Variants in SLC16A10 observed in about 807,000 individuals in gnomAD.
SLC16A10 encodes the protein monocarboxylate transporter 10.
Under a neutral mutation model 40.0 loss-of-function variants are expected in SLC16A10, and 27 were observed. The ratio of observed to expected loss-of-function variants is 0.67; its 90% CI spans 0.50 to 0.93. SLC16A10 has a LOEUF of 0.93. Ranked by LOEUF, SLC16A10 falls within the 40% of genes least tolerant of loss-of-function variation. The probability of loss-of-function intolerance (pLI) is 0.00; values close to 1 mark genes in which losing one functional copy is unlikely to be tolerated. For missense variants in SLC16A10, 529 were observed against 658.2 expected (o/e 0.80, Z 2.15); for synonymous variants, 213 against 249.8 (o/e 0.85, Z 1.39).
chr6:111,110,372 G>A (rs1445756715), intron 1 of SLC16A10, among the ~76,000 whole-genome samples: 2 of 150,732 alleles, frequency 1.3e-5, no homozygotes, highest in African/African-American at 2.4e-5. Flanking sequence ...GAAGATAGGA[G>A]TAGCTTGAGA....
chr6:111,102,142 G>A (rs1221897023), intron 1 of SLC16A10, among the ~76,000 whole-genome samples: 1 of 152,098 alleles, frequency 6.6e-6, no homozygotes, highest in African/African-American at 2.4e-5. Flanking sequence ...TGTATATGTC[G>A]TCGAACAAAT....
At chr6:111,099,266 A>T (rs1393279008) in intron 1 of SLC16A10, among the ~76,000 whole-genome samples, 1 of 152,202 alleles carries the variant, frequency 6.6e-6, no homozygotes, top group African/African-American at 2.4e-5. Context: ...ATTTTTATGC[A>T]TAATTATATA....
chr6:111,222,810 GGAGCAGGTGCTA>G lies in SLC16A10; in HGVS notation c.*576_*587del, dbSNP rs1262972605. The G allele has an allele frequency of 1.3e-5, 2 of 153,284 alleles. No individual in the cohort carries two copies. Among genetic ancestry groups the G allele is most frequent in the African/African-American group, 4.8e-5 (2 of 41,416 alleles). The allele number at this position is 153,284 out of a possible 1,614,324, so 9.5% of individuals were successfully genotyped here. ...TGCTCCAGTGTCAAGGGACCTTCTG[GGAGCAGGTGCTA>G]ACATAGTGTTCAGAATCAATATGTG... On this transcript the variant is annotated 3_prime_UTR_variant, in exon 6 of 6. Transcript: ENST00000368851.
At chr6:111,184,074 G>A (rs1772851700) in intron 3 of SLC16A10, among the ~76,000 whole-genome samples, 1 of 152,174 alleles carries the variant, frequency 6.6e-6, no homozygotes, top group African/African-American at 2.4e-5. Flanking sequence ...TCATCGGCAT[G>A]AAATGCTCTA....
In SLC16A10 at chr6:111,216,777, G is replaced by GA. The variant is rs1295040112; in HGVS notation, c.1087-2031dup. The stretch of plus-strand genomic sequence containing the variant: ...ATAAGACCATAGTTTAGTGATTGAA[G>GA]AAAAAATGTACCGAACTGTATGATA... On this transcript the variant is annotated intron_variant, in intron 4 of 5. Transcript: ENST00000368851. Among the ~76,000 whole-genome samples the GA allele has an allele frequency of 2.0e-5, 3 of 152,028 alleles. No individual in the cohort carries two copies. The East Asian group carries it at 5.8e-4, about 29-fold the overall frequency.
At chr6:111,151,440 G>A (rs1772171386) in intron 1 of SLC16A10, among the ~76,000 whole-genome samples, 1 of 152,074 alleles carries the variant, frequency 6.6e-6, no homozygotes, top group Admixed American at 6.6e-5. Context: ...AAGTCCTGTT[G>A]ATTTCATCAC....
chr6:111,208,679 T>G (rs1439670905), intron 4 of SLC16A10, among the ~76,000 whole-genome samples: 1 of 152,136 alleles, frequency 6.6e-6, no homozygotes, highest in African/African-American at 2.4e-5. Flanking sequence ...ACTGAATGAT[T>G]CCATTTATAT....
intron 4 of SLC16A10, among the ~76,000 whole-genome samples, chr6:111,217,697 A>C (rs1383513843): frequency 6.6e-6 from 1 of 151,888 alleles, no homozygotes; most frequent in Non-Finnish European, 1.5e-5. Context: ...TGATCTGCCC[A>C]CCTCGGCCTC....
intron 1 of SLC16A10, among the ~76,000 whole-genome samples, chr6:111,127,774 C>T (rs9632498): frequency 0.057 from 8,654 of 151,940 alleles, 740 homozygotes; most frequent in African/African-American, 0.19. Flanking sequence ...TCTAACAGTC[C>T]GAAGGGGCAT....
chr6:111,171,702 G>C (rs1488569242), intron 1 of SLC16A10, among the ~76,000 whole-genome samples: 2 of 151,460 alleles, frequency 1.3e-5, no homozygotes, highest in Non-Finnish European at 2.9e-5. Flanking sequence ...TGTGGTTCTA[G>C]CTACTTGGAA....
chr6:111,113,447 C>G (rs1030297656), intron 1 of SLC16A10, among the ~76,000 whole-genome samples: 2 of 152,280 alleles, frequency 1.3e-5, no homozygotes, highest in South Asian at 4.1e-4. Context: ...GAAGAAGAAG[C>G]TATCAGGAGC....
intron 4 of SLC16A10, among the ~76,000 whole-genome samples, 198 bp downstream of exon 4, chr6:111,206,933 A>C (rs1773264867): frequency 1.3e-5 from 2 of 152,008 alleles, no homozygotes; most frequent in South Asian, 4.2e-4. Context: ...GGTTCAAGGG[A>C]TTCTCCTGCC....
intron 1 of SLC16A10, among the ~76,000 whole-genome samples, chr6:111,133,033 T>C (rs572270707): frequency 8.5e-5 from 13 of 152,324 alleles, no homozygotes; most frequent in African/African-American, 3.1e-4. Flanking sequence ...CTGTTGTTTA[T>C]GGGAATGCAT....
chr6:111,191,254 G>T (rs1289718675), intron 3 of SLC16A10, among the ~76,000 whole-genome samples: 1 of 152,110 alleles, frequency 6.6e-6, no homozygotes, highest in Non-Finnish European at 1.5e-5. Flanking sequence ...CCACTTATGA[G>T]TGAGAGCATG....
chr6:111,116,547 A>G (rs1281360669), intron 1 of SLC16A10, among the ~76,000 whole-genome samples: 1 of 152,126 alleles, frequency 6.6e-6, no homozygotes, highest in Non-Finnish European at 1.5e-5. Flanking sequence ...AGTCAACTTA[A>G]ATGCCCCCAA....
At chr6:111,124,188 A>T (rs1012987159) in intron 1 of SLC16A10, among the ~76,000 whole-genome samples, 1 of 152,176 alleles carries the variant, frequency 6.6e-6, no homozygotes. Context: ...ACTGCAGGCA[A>T]TAGGATTGGC....
At chr6:111,144,266 C>T (rs191751261) in intron 1 of SLC16A10, among the ~76,000 whole-genome samples, 7 of 152,210 alleles carry the variant, frequency 4.6e-5, no homozygotes, top group South Asian at 2.1e-4. Flanking sequence ...TGCAGTGGCA[C>T]GATTTCGGCT....
rs186296060 is a variant in SLC16A10, at chr6:111,206,870, C to T, written c.1086+135C>T. On this transcript the variant is annotated intron_variant, in intron 4 of 5. Transcript: ENST00000368851. ...TGAGATGGAGTTTCGCTCTTATTGC[C>T]CAGGCTGGAGTGCAATGGCACGATC... 1.7e-5 allele frequency: 20 copies of T among 1,157,672 alleles called. No homozygotes were observed. In the African/African-American group the frequency reaches 3.0e-4, roughly 17 times the overall value. 71.7% of individuals were successfully genotyped at this position (1,157,672 alleles called of 1,614,324 possible). A position where few individuals can be genotyped will look rare whatever the true frequency, so the allele number is the denominator to read the frequency against.
intron 3 of SLC16A10, among the ~76,000 whole-genome samples, chr6:111,201,497 T>C (rs1773167343): frequency 6.6e-6 from 1 of 152,232 alleles, no homozygotes; most frequent in Admixed American, 6.5e-5. Context: ...TACTTTTGTT[T>C]GAAGAGTCTC....
Sources: allele counts gnomAD v4.1 joint callset (sites outside exome capture counted in the v4.1 genomes callset), GRCh38; gene constraint gnomAD v4.1.1; transcripts MANE v1.5; gene names NCBI Gene and HGNC (gene_info 2026-07-23, HGNC 2026-07-21).